The following SLC6A13 variants were observed in gnomAD, a reference collection of about 807,000 sequenced individuals.
SLC6A13 encodes sodium- and chloride-dependent GABA transporter 2.
Under a neutral mutation model 72.9 loss-of-function variants are expected in SLC6A13, and 69 were observed. That is an observed-to-expected ratio of 0.95 (90% CI 0.78 to 1.16). SLC6A13 has a LOEUF of 1.16. SLC6A13 is among the 50% of genes most tolerant of loss of function. SLC6A13 has a pLI of 0.00. For missense variants in SLC6A13, 735 were observed against 760.5 expected, an observed-to-expected ratio of 0.97 and a Z score of 0.39; for synonymous variants, 303 against 303.0, an observed-to-expected ratio of 1.00 and a Z score of 0.00.
At chr12:223,914 G>C in intron 11 of SLC6A13, 78 bp downstream of exon 11, 1 of 1,528,498 alleles carries the variant, frequency 6.5e-7, no homozygotes. Context: ...CGGGAGCCAG[G>C]GTATCTGCCT....
rs763289332 is a variant in SLC6A13, at chr12:259,924, C to G, written c.129G>C (p.Leu43=). The change falls in exon 2 of 15, where the codon CTG becomes CTC. Residue 43 remains leucine (L), a synonymous_variant. Transcript: ENST00000343164. ...AGCCAATGATCTCCCCAGCCACTGA[C>G]AGCACAAACTCCATCTTGTTGTTCC... is the stretch of plus-strand genomic sequence containing the variant. ...GHWNNKMEFV[L]SVAGEIIGLG... 1.2e-6 allele frequency: 2 copies of G among 1,614,230 alleles called. No homozygotes were observed. Among genetic ancestry groups the G allele is most frequent in the East Asian group, 4.5e-5 (2 of 44,894 alleles).
At chr12:243,917 G>C in intron 2 of SLC6A13, 104 bp from the exon 3 acceptor site, 1 of 1,166,482 alleles carries the variant, frequency 8.6e-7, no homozygotes. Context: ...GAATCTCGGA[G>C]GCAGAGAACA....
chr12:233,494 C>T (rs1941802241), intron 7 of SLC6A13, among the ~76,000 whole-genome samples: 1 of 152,146 alleles, frequency 6.6e-6, no homozygotes, highest in African/African-American at 2.4e-5. Flanking sequence ...AGACCCGGAG[C>T]CTCTGGACAA....
At chr12:221,274 C>T (rs1364641977) in intron 14 of SLC6A13, 102 bp downstream of exon 14, 1 of 1,347,510 alleles carries the variant, frequency 7.4e-7, no homozygotes, top group East Asian at 2.5e-5. Flanking sequence ...GGCCCACTGG[C>T]ACCTCCACAC....
intron 2 of SLC6A13, among the ~76,000 whole-genome samples, chr12:250,493 G>T (rs1378724621): frequency 6.6e-6 from 1 of 151,844 alleles, no homozygotes; most frequent in Admixed American, 6.6e-5. Flanking sequence ...TATGTATTAG[G>T]AATAAACAAC....
intron 2 of SLC6A13, among the ~76,000 whole-genome samples, chr12:252,459 A>G (rs962452616): frequency 2.6e-5 from 4 of 152,248 alleles, no homozygotes; most frequent in African/African-American, 9.6e-5. Context: ...GTCAAAATTT[A>G]TCAAATTGTA....
intron 2 of SLC6A13, among the ~76,000 whole-genome samples, chr12:245,846 G>T (rs550767843): frequency 1.3e-5 from 2 of 151,786 alleles, no homozygotes; most frequent in Non-Finnish European, 2.9e-5. Context: ...AGCTGGGCGC[G>T]GTGGCTCAAG....
chr12:246,747 C>A (rs1251474155), intron 2 of SLC6A13, among the ~76,000 whole-genome samples: 1 of 152,032 alleles, frequency 6.6e-6, no homozygotes, highest in Non-Finnish European at 1.5e-5. Flanking sequence ...GTAGTTCATG[C>A]CTGTAATCCC....
intron 2 of SLC6A13, chr12:253,295 G>A (rs1333991145): frequency 1.3e-5 from 2 of 152,248 alleles, no homozygotes; most frequent in East Asian, 3.9e-4. Context: ...TTGAGCAACA[G>A]AAGAGCGAGG....
rs761745521 is a variant in SLC6A13 at position 254,197 on chromosome 12, G to A, written c.202+5654C>T. Among the ~76,000 whole-genome samples, 7 of 152,136 alleles carry A rather than the reference G, an allele frequency of 4.6e-5. No homozygotes were observed. Among genetic ancestry groups the A allele is most frequent in the Non-Finnish European group, 5.9e-5 (4 of 68,010 alleles). ...AATGTCAAGCTTCTTCAGCCGCCTC[G>A]CCAGCTCAGGGCCCCACCCCCGAGG... On this transcript the variant is annotated intron_variant, in intron 2 of 14. Transcript: ENST00000343164. The surrounding 1 kb of genome is among the most constrained non-coding windows in gnomAD (Gnocchi z 4.4).
intron 4 of SLC6A13, among the ~76,000 whole-genome samples, chr12:241,619 A>G (rs891052813): frequency 6.6e-6 from 1 of 152,282 alleles, no homozygotes; most frequent in Non-Finnish European, 1.5e-5. Context: ...GTTCAGTGGG[A>G]CTGCCCGTGA....
intron 9 of SLC6A13, among the ~76,000 whole-genome samples, chr12:225,338 G>A (rs1295156480): frequency 2.0e-5 from 3 of 152,314 alleles, no homozygotes; most frequent in South Asian, 4.1e-4. Context: ...AGCACCTGGC[G>A]TACAGTCAAC....
At chr12:238,103 G>A (rs2137287510) in intron 4 of SLC6A13, 93 bp from the exon 5 acceptor site, 1 of 1,572,506 alleles carries the variant, frequency 6.4e-7, no homozygotes, top group African/African-American at 1.3e-5. Context: ...AGGAGAATGG[G>A]AAGGAAGGTA....
At chr12:226,284 G>A (rs941069822) in intron 9 of SLC6A13, 106 bp downstream of exon 9, 43 of 1,373,202 alleles carry the variant, frequency 3.1e-5, no homozygotes, top group Middle Eastern at 1.8e-4. Context: ...AATGGTGGCC[G>A]TAGCTCACCC....
chr12:221,457 C>A lies in SLC6A13; in HGVS notation c.1605G>T (p.Trp535Cys). 6.2e-7 allele frequency: 1 copy of A among 1,613,976 alleles called. No homozygotes were observed. The highest frequency in any genetic ancestry group is 1.3e-5 in the African/African-American group (1 of 75,062). The change falls in exon 14 of 15, where the codon TGG becomes TGT. Residue 535 changes from tryptophan (W) to cysteine (C), a missense_variant. Transcript: ENST00000343164. ...TYPWWGDALG[W>C]LLALSSMVCI... Reference sequence around the variant, plus strand: ...AGACCATGGAGGACAGAGCCAGGAGCCAGCCCAGGGCATCGCCCCACCACG... The same window carrying A: ...AGACCATGGAGGACAGAGCCAGGAGACAGCCCAGGGCATCGCCCCACCACG...
At chr12:242,956 T>C (rs1269330948) in intron 3 of SLC6A13, among the ~76,000 whole-genome samples, 1 of 152,164 alleles carries the variant, frequency 6.6e-6, no homozygotes. Flanking sequence ...ATCCTATATA[T>C]GGAGAAATAA....
chr12:248,010 A>C (rs753182396), intron 2 of SLC6A13, among the ~76,000 whole-genome samples: 14 of 152,138 alleles, frequency 9.2e-5, no homozygotes, highest in Non-Finnish European at 1.9e-4. Context: ...ATAAGAAAAA[A>C]TATTCAATTA....
At chr12:229,139 A>T (rs911730685) in intron 7 of SLC6A13, among the ~76,000 whole-genome samples, 1 of 152,146 alleles carries the variant, frequency 6.6e-6, no homozygotes, top group African/African-American at 2.4e-5. Context: ...AGCACAGAGG[A>T]GGATTTGGAG....
At chr12:235,007 G>A (rs1189455634) in intron 7 of SLC6A13, 83 bp downstream of exon 7, 3 of 1,532,638 alleles carry the variant, frequency 2.0e-6, no homozygotes, top group Non-Finnish European at 2.7e-6. Flanking sequence ...CTAGGTGCGG[G>A]GGTTCCCCGT....
Sources: allele counts gnomAD v4.1 joint callset (sites outside exome capture counted in the v4.1 genomes callset), GRCh38; gene constraint gnomAD v4.1.1; non-coding constraint Gnocchi (gnomAD v3.1); transcripts MANE v1.5; gene names NCBI Gene and HGNC (gene_info 2026-07-23, HGNC 2026-07-21).